The following ZC2HC1C variants were observed in gnomAD, a reference collection of about 807,000 sequenced individuals.
ZC2HC1C encodes the protein zinc finger C2HC-type containing 1C.
In ZC2HC1C, 25 loss-of-function variants were observed where a neutral mutation model predicts 39.2. The observed-to-expected ratio is 0.64, with a 90% confidence interval of 0.47 to 0.89. ZC2HC1C has a LOEUF of 0.89. Ranked by LOEUF, ZC2HC1C falls within the 40% of genes least tolerant of loss-of-function variation. The pLI, the probability that ZC2HC1C is intolerant of heterozygous loss-of-function variation, is 0.00. For synonymous variants in ZC2HC1C, 209 were observed against 214.4 expected (o/e 0.97, Z 0.22); for missense variants, 519 against 548.6 (o/e 0.95, Z 0.54).
In ZC2HC1C at chr14:75,070,543, A is replaced by C; in HGVS notation, c.-19-12A>C. On this transcript the variant is annotated splice_polypyrimidine_tract_variant and intron_variant, in intron 1 of 2. Coordinates refer to ENST00000524913, the MANE Select transcript of ZC2HC1C (RefSeq NM_024643.4). ...AAACTCTTCCCGTGTATCTGGTTTAAATCTCCCGTAGGCGTCAGTCCAGGC... is the reference window on the plus strand; with the variant it reads ...AAACTCTTCCCGTGTATCTGGTTTACATCTCCCGTAGGCGTCAGTCCAGGC... The C allele has an allele frequency of 1.3e-6, 2 of 1,562,694 alleles. No individual in the cohort carries two copies. The highest frequency in any genetic ancestry group is 1.7e-6 in the Non-Finnish European group (2 of 1,158,190).
Position 75,071,612 on chromosome 14 carries a change from G to C in ZC2HC1C, c.1039G>C (p.Val347Leu), listed in dbSNP as rs769358727. 1.6e-5 allele frequency: 26 copies of C among 1,614,172 alleles called. No homozygotes were observed. Among genetic ancestry groups the C allele is most frequent in the Non-Finnish European group, 2.0e-5 (24 of 1,180,028 alleles). Residue 347 changes from valine to leucine, a missense_variant, in exon 2 of 3, where the codon GTG (valine) becomes CTG (leucine). Coordinates refer to ENST00000524913, the MANE Select transcript of ZC2HC1C (RefSeq NM_024643.4). ...KIRDPVSEPS[V>L]EKFSPPSETP... ...TCGAGACCCAGTCTCAGAGCCATCG[G>C]TGGAGAAATTCTCCCCGCCTTCAGA...
intron 2 of ZC2HC1C, among the ~76,000 whole-genome samples, chr14:75,076,026 C>A (rs1039238534): frequency 6.6e-6 from 1 of 152,120 alleles, no homozygotes; most frequent in African/African-American, 2.4e-5. Context: ...CACTGCACTC[C>A]AGCCTGGGTG....
intron 2 of ZC2HC1C, among the ~76,000 whole-genome samples, chr14:75,074,938 CTCTT>C (rs1157004600): frequency 1.3e-5 from 2 of 152,190 alleles, no homozygotes; most frequent in East Asian, 3.9e-4. Flanking sequence ...TCCTACTGTT[CTCTT>C]TCTCTTATCC....
rs778156784 is a variant in ZC2HC1C, at chr14:75,071,665, C to T, written c.1092C>T (p.Ser364=). 2.6e-5 allele frequency: 42 copies of T among 1,614,024 alleles called. No individual in the cohort carries two copies. Among genetic ancestry groups the T allele is most frequent in the Non-Finnish European group, 3.2e-5 (38 of 1,180,022 alleles). Residue 364 remains serine (S), a synonymous_variant, in exon 2 of 3, where the codon TCC becomes TCT. Coordinates refer to ENST00000524913, the MANE Select transcript of ZC2HC1C (RefSeq NM_024643.4). Reference sequence around the variant, plus strand: ...CACCAGTCGGTGCTTTGCAGGGATCCGCCAGAAATTCCAGCCTGTCCATGG... The same window carrying T: ...CACCAGTCGGTGCTTTGCAGGGATCTGCCAGAAATTCCAGCCTGTCCATGG... The part of the protein sequence containing the change: ...SETPVGALQG[S]ARNSSLSMAP...
chr14:75,075,562 A>G (rs751512649), intron 2 of ZC2HC1C, among the ~76,000 whole-genome samples: 49 of 152,336 alleles, frequency 3.2e-4, no homozygotes, highest in Non-Finnish European at 5.3e-4. Context: ...TTTAGCATCC[A>G]GTGTATTGTT....
At chr14:75,072,970 A>G (rs567717290) in intron 2 of ZC2HC1C, among the ~76,000 whole-genome samples, 4 of 152,310 alleles carry the variant, frequency 2.6e-5, no homozygotes, top group African/African-American at 9.6e-5. Context: ...GGCCCCATCT[A>G]GTTCTAATAT....
chr14:75,075,951 G>T (rs1893646476), intron 2 of ZC2HC1C, among the ~76,000 whole-genome samples: 1 of 152,092 alleles, frequency 6.6e-6, no homozygotes, highest in Non-Finnish European at 1.5e-5. Flanking sequence ...CAGCTACTTG[G>T]GAGGCTGAGA....
Position 75,070,447 on chromosome 14 carries a change from A to G in ZC2HC1C, c.-19-108A>G, listed in dbSNP as rs1446689006. 32 of 1,325,980 alleles carry G rather than the reference A, an allele frequency of 2.4e-5. No individual in the cohort carries two copies. The Admixed American group carries it at 5.0e-4, about 21-fold the overall frequency. The allele number at this position is 1,325,980 out of a possible 1,614,324, so 82.1% of individuals were successfully genotyped here. On this transcript the variant is annotated intron_variant, in intron 1 of 2. Transcript: ENST00000524913. ...AGGTCCAGCAACACTGTCCCCAGAAAAGTTTAAGGGAATGTGGGCAGGGCA... is the reference window on the plus strand; with the variant it reads ...AGGTCCAGCAACACTGTCCCCAGAAGAGTTTAAGGGAATGTGGGCAGGGCA...
At chr14:75,072,015 G>GA in intron 2 of ZC2HC1C, 104 bp downstream of exon 2, 2 of 1,448,858 alleles carry the variant, frequency 1.4e-6, no homozygotes, top group Non-Finnish European at 1.8e-6. Flanking sequence ...CATGTAGGAA[G>GA]AATTGACGTC....
In ZC2HC1C at chr14:75,071,229, C is replaced by A; in HGVS notation, c.656C>A (p.Ala219Glu). 1 of 1,614,142 alleles carries A rather than the reference C, an allele frequency of 6.2e-7. No individual in the cohort carries two copies. Among genetic ancestry groups the A allele is most frequent in the Non-Finnish European group, 8.5e-7 (1 of 1,180,040 alleles). The change falls in exon 2 of 3, where the codon GCA (alanine) becomes GAA (glutamate). Residue 219 changes from alanine (A) to glutamate (E), a missense_variant. Ala to Glu is a moderately radical substitution (Grantham distance 107). Coordinates refer to ENST00000524913, the MANE Select transcript of ZC2HC1C (RefSeq NM_024643.4). Reference sequence around the variant, plus strand: ...GTGCAGATCCGAAGACTAGAAGCTGCAGGGGAGAGCTTAGAGGAGGAAATC... The same window carrying A: ...GTGCAGATCCGAAGACTAGAAGCTGAAGGGGAGAGCTTAGAGGAGGAAATC... ...EWVQIRRLEAAGESLEEEIRR... is the reference protein window; with the variant it reads ...EWVQIRRLEAEGESLEEEIRR...
chr14:75,070,591 G>A lies in ZC2HC1C; in HGVS notation c.18G>A (p.Arg6=), dbSNP rs190739419. Residue 6 remains arginine, a synonymous_variant, in exon 2 of 3, where the codon CGG becomes CGA. Transcript: ENST00000524913. The part of the protein sequence containing the change: MAGLQ[R]LASHLPVGVM... ...GGCCCTGAATGGCTGGTCTCCAGCG[G>A]TTGGCGTCACATCTGCCTGTGGGCG... 6.2e-7 allele frequency: 1 copy of A among 1,611,778 alleles called. No homozygotes were observed. Among genetic ancestry groups the A allele is most frequent in the African/African-American group, 1.3e-5 (1 of 74,964 alleles).
rs1244514316 is a variant in ZC2HC1C at position 75,075,026 on chromosome 14, G to A, written c.1339-2506G>A. Among the ~76,000 whole-genome samples the A allele has an allele frequency of 2.6e-5, 4 of 152,104 alleles. 1 individual carries two copies. The highest frequency in any genetic ancestry group is 2.0e-4 in the Admixed American group (3 of 15,270). On this transcript the variant is annotated intron_variant, in intron 2 of 2. Transcript: ENST00000524913. ...ACATTGTAATGATCAAGTAAATTTT[G>A]TTCATTAATGAGTGAACAAATTCTG... is the stretch of plus-strand genomic sequence containing the variant.
intron 2 of ZC2HC1C, among the ~76,000 whole-genome samples, chr14:75,075,748 G>C (rs1262938843): frequency 6.6e-6 from 1 of 152,104 alleles, no homozygotes. Context: ...AATGTTAATT[G>C]TATTATTTCC....
In ZC2HC1C at chr14:75,071,078, G is replaced by A. The variant is rs1319390772; in HGVS notation, c.505G>A (p.Glu169Lys). The change falls in exon 2 of 3, where the codon GAG (glutamate) becomes AAG (lysine). Residue 169 changes from glutamate (E) to lysine (K), a missense_variant. By Grantham distance (56) the Glu-to-Lys change is moderately conservative. Coordinates refer to ENST00000524913, the MANE Select transcript of ZC2HC1C (RefSeq NM_024643.4). ...GDHNVYPRPP[E>K]PREFSSRNFG... ...CCATAATGTCTACCCAAGGCCCCCTGAGCCGAGAGAGTTTTCATCTAGGAA... is the reference window on the plus strand; with the variant it reads ...CCATAATGTCTACCCAAGGCCCCCTAAGCCGAGAGAGTTTTCATCTAGGAA... The A allele has an allele frequency of 1.9e-6, 3 of 1,614,186 alleles. No individual in the cohort carries two copies. The highest frequency in any genetic ancestry group is 2.2e-5 in the South Asian group (2 of 91,082).
intron 1 of ZC2HC1C, 81 bp downstream of exon 1, chr14:75,069,830 T>TC (rs530988035): frequency 1.2e-3 from 187 of 152,954 alleles, no homozygotes; most frequent in Non-Finnish European, 2.3e-3. Flanking sequence ...AGAGGACTTG[T>TC]CCCCAGAGGT....
Position 75,077,767 on chromosome 14 carries a change from T to A in ZC2HC1C, c.*203T>A, listed in dbSNP as rs10246. 291,075 of 600,810 alleles carry A rather than the reference T, an allele frequency of 0.48. 75,458 individuals are homozygous for A. The highest frequency in any genetic ancestry group is 0.83 in the East Asian group (29,371 of 35,410). 37.2% of individuals were successfully genotyped at this position (600,810 alleles called of 1,614,324 possible). On this transcript the variant is annotated 3_prime_UTR_variant, in exon 3 of 3. Coordinates refer to ENST00000524913, the MANE Select transcript of ZC2HC1C (RefSeq NM_024643.4). ...AAGTGTAAGACCATCAAGAACTGTC[T>A]TCCACCTCTAAGGAAGCATTATAGT...
At chr14:75,074,550 T>G (rs891470347) in intron 2 of ZC2HC1C, among the ~76,000 whole-genome samples, 9 of 152,114 alleles carry the variant, frequency 5.9e-5, no homozygotes, top group Non-Finnish European at 1.3e-4. Context: ...GATTTATCAA[T>G]TTTCTACATT....
rs941815655 is a variant in ZC2HC1C at position 75,079,076 on chromosome 14, G to A, written c.*1512G>A. 6.6e-6 allele frequency: 1 copy of A among 152,020 alleles called. No individual in the cohort carries two copies. The highest frequency in any genetic ancestry group is 1.5e-5 in the Non-Finnish European group (1 of 68,026). The allele number at this position is 152,020 out of a possible 1,614,324, so 9.4% of individuals were successfully genotyped here. On this transcript the variant is annotated 3_prime_UTR_variant, in exon 3 of 3. Coordinates refer to ENST00000524913, the MANE Select transcript of ZC2HC1C (RefSeq NM_024643.4). ...ACTCAAATTGTTAGTTTAAAATACT[G>A]GAGAAAAACTGCTCAATTTGAGCTA...
chr14:75,077,548 A>T lies in ZC2HC1C; in HGVS notation c.1355A>T (p.Lys452Met), dbSNP rs781145086. The T allele has an allele frequency of 6.2e-7, 1 of 1,614,238 alleles. No individual in the cohort carries two copies. The highest frequency in any genetic ancestry group is 2.2e-5 in the East Asian group (1 of 44,896). Reference sequence around the variant, plus strand: ...ACATTACAGGCTGAACCTCCTCAGAAGAGCAACTGGAGATAGAAGCATGAA... The same window carrying T: ...ACATTACAGGCTGAACCTCCTCAGATGAGCAACTGGAGATAGAAGCATGAA... ...PASAKAEPPQKSNWR is the reference protein window; with the variant it reads ...PASAKAEPPQMSNWR Residue 452 changes from lysine (K) to methionine (M), a missense_variant, in exon 3 of 3, where the codon AAG (lysine) becomes ATG (methionine). Lys to Met is a moderately conservative substitution (Grantham distance 95). Coordinates refer to ENST00000524913, the MANE Select transcript of ZC2HC1C (RefSeq NM_024643.4).
Sources: gnomAD v4.1 joint callset for allele counts (sites outside exome capture counted in the v4.1 genomes callset) on GRCh38, gnomAD v4.1.1 for gene constraint, MANE v1.5 for transcripts, NCBI Gene and HGNC (gene_info 2026-07-23, HGNC 2026-07-21) for gene names.